The following CAPN8 variants were observed in gnomAD, a reference collection of about 807,000 sequenced individuals.
The protein encoded by CAPN8 is calpain 8, also known as calpain-8.
Under a neutral mutation model 80.9 loss-of-function variants are expected in CAPN8, and 87 were observed. That is an observed-to-expected ratio of 1.07 (90% CI 0.90 to 1.28). The LOEUF is 1.28. Ranked by LOEUF, CAPN8 falls within the 50% of genes most tolerant of loss-of-function variation. CAPN8 has a pLI of 0.00. For synonymous variants in CAPN8, 299 were observed against 273.8 expected, an observed-to-expected ratio of 1.09 and a Z score of -0.91; for missense variants, 757 against 702.0, an observed-to-expected ratio of 1.08 and a Z score of -0.89.
chr1:223,550,402 C>T (rs562168081), intron 15 of CAPN8, among the ~76,000 whole-genome samples: 1 of 152,266 alleles, frequency 6.6e-6, no homozygotes, highest in South Asian at 2.1e-4. Context: ...TCCCTGGACC[C>T]GGAAAGAAAC....
At chr1:223,644,296 G>A (rs775800131) in intron 2 of CAPN8, 11 of 237,980 alleles carry the variant, frequency 4.6e-5, no homozygotes, top group Admixed American at 8.5e-5. Flanking sequence ...ACCTGAATCT[G>A]GGATCTATTT....
At chr1:223,623,506 C>T (rs1011189211) in intron 6 of CAPN8, among the ~76,000 whole-genome samples, 16 of 152,174 alleles carry the variant, frequency 1.1e-4, no homozygotes, top group Non-Finnish European at 2.4e-4. Context: ...ACATATACTG[C>T]TTTCCCCTAT....
chr1:223,545,063 T>C lies in CAPN8; in HGVS notation c.1833+168A>G, dbSNP rs545627594. The C allele has an allele frequency of 4.0e-5, 55 of 1,392,164 alleles. No individual in the cohort carries two copies. The African/African-American group carries it at 6.5e-4, about 16-fold the overall frequency. 86.2% of individuals were successfully genotyped at this position (1,392,164 alleles called of 1,614,324 possible). On this transcript the variant is annotated intron_variant, in intron 17 of 20. Transcript: ENST00000366872. ...AACAGCAGGGCTTTCAGGGCAGTGG[T>C]TGGCATGAGAGTCTCTCATTGCCTT...
In CAPN8 at chr1:223,622,756, T is replaced by C. The variant is rs1419746247; in HGVS notation, c.899+59A>G. 4.5e-6 allele frequency: 6 copies of C among 1,338,776 alleles called. No homozygotes were observed. The African/African-American group carries it at 7.3e-5, about 16-fold the overall frequency. The allele number at this position is 1,338,776 out of a possible 1,614,324, so 82.9% of individuals were successfully genotyped here. ...ACATCGATCTCATTGTTGTGTGTTT[T>C]ACACGACACCCTTCCGCAGAGGGAG... On this transcript the variant is annotated intron_variant, in intron 7 of 20. Transcript: ENST00000366872.
intron 20 of CAPN8, among the ~76,000 whole-genome samples, chr1:223,542,116 A>C (rs1349279270): frequency 1.3e-5 from 2 of 151,116 alleles, no homozygotes; most frequent in Non-Finnish European, 3.0e-5. Flanking sequence ...GTATATTCAT[A>C]CACACACACA....
At chr1:223,654,842 A>ATT (rs35365292) in intron 1 of CAPN8, among the ~76,000 whole-genome samples, 8,058 of 111,610 alleles carry the variant, frequency 0.072, 325 homozygotes, top group Non-Finnish European at 0.079. Context: ...CACCCGGCTA[A>ATT]TTTTTTTTTT....
At chr1:223,625,975 G>A (rs1036044410) in intron 5 of CAPN8, 87 bp from the exon 6 acceptor site, 3 of 1,007,316 alleles carry the variant, frequency 3.0e-6, no homozygotes, top group African/African-American at 3.2e-5. Flanking sequence ...ACACTACACA[G>A]CCACTGGGGG....
intron 1 of CAPN8, among the ~76,000 whole-genome samples, chr1:223,659,877 C>T (rs1041650510): frequency 2.0e-5 from 3 of 152,160 alleles, no homozygotes; most frequent in Non-Finnish European, 2.9e-5. Flanking sequence ...ACCTGATCTA[C>T]CTGACGCACG....
At chr1:223,635,325 T>C (rs1443657576) in intron 2 of CAPN8, among the ~76,000 whole-genome samples, 1 of 152,136 alleles carries the variant, frequency 6.6e-6, no homozygotes, top group African/African-American at 2.4e-5. Flanking sequence ...TTGACTACCT[T>C]AAAACACACA....
intron 9 of CAPN8, among the ~76,000 whole-genome samples, chr1:223,616,363 T>C: frequency 6.6e-6 from 1 of 152,208 alleles, no homozygotes; most frequent in Non-Finnish European, 1.5e-5. Flanking sequence ...GGCATCGCAT[T>C]TGGAAATGTG....
chr1:223,548,844 T>C (rs1656703547), intron 16 of CAPN8, among the ~76,000 whole-genome samples: 1 of 150,382 alleles, frequency 6.6e-6, no homozygotes, highest in Non-Finnish European at 1.5e-5. Flanking sequence ...GTGATAACTC[T>C]AAACTATCAG....
At chr1:223,549,632 A>G in intron 15 of CAPN8, 1 of 639,250 alleles carries the variant, frequency 1.6e-6, no homozygotes. Flanking sequence ...GGCTCCCCAC[A>G]AGCCACAGAC....
At chr1:223,628,262 AGCAGGACATGTGTCT>A (rs1657659902) in intron 3 of CAPN8, 120 bp from the exon 4 acceptor site, 1 of 1,177,532 alleles carries the variant, frequency 8.5e-7, no homozygotes, top group East Asian at 2.6e-5. Flanking sequence ...GCTCCTTAGG[AGCAGGACATGTGTCT>A]GCCTTATCTG....
intron 10 of CAPN8, among the ~76,000 whole-genome samples, chr1:223,612,550 G>A (rs1387964730): frequency 6.6e-6 from 1 of 151,994 alleles, no homozygotes; most frequent in Non-Finnish European, 1.5e-5. Context: ...AATTATTCAG[G>A]AGTAATAGCC....
chr1:223,654,341 T>C lies in CAPN8; in HGVS notation c.296A>G (p.Gln99Arg). The C allele has an allele frequency of 6.4e-7, 1 of 1,551,672 alleles. No individual in the cohort carries two copies. The highest frequency in any genetic ancestry group is 2.4e-5 in the East Asian group (1 of 40,920). The part of the protein sequence containing the change: ...VGGATRTDIC[Q>R]GGLGDCWLLA... ...CCCCAGTTACTCACCTAGACCACCCTGACAAATGTCTGTGCGCGTGGCTCC... is the reference window on the plus strand; with the variant it reads ...CCCCAGTTACTCACCTAGACCACCCCGACAAATGTCTGTGCGCGTGGCTCC... Residue 99 changes from glutamine to arginine, a missense_variant, in exon 2 of 21, where the codon CAG (glutamine) becomes CGG (arginine). Gln to Arg is a conservative substitution (Grantham distance 43). Coordinates refer to ENST00000366872, the MANE Select transcript of CAPN8 (RefSeq NM_001143962.2).
Position 223,634,680 on chromosome 1 carries a change from A to G in CAPN8, c.308-5900T>C, listed in dbSNP as rs557705836. 1.2e-3 allele frequency among the ~76,000 whole-genome samples: 186 copies of G among 152,324 alleles called. 1 individual carries two copies. The highest frequency in any genetic ancestry group is 2.2e-3 in the Admixed American group (33 of 15,308). ...CCTTGTTCATAAATGGCTGTCTTCCAGTTGTGTCCTCAAACGGCAGAAGGG... is the reference window on the plus strand; with the variant it reads ...CCTTGTTCATAAATGGCTGTCTTCCGGTTGTGTCCTCAAACGGCAGAAGGG... On this transcript the variant is annotated intron_variant, in intron 2 of 20. Transcript: ENST00000366872.
intron 2 of CAPN8, among the ~76,000 whole-genome samples, chr1:223,651,984 G>A (rs910345128): frequency 1.2e-4 from 19 of 152,222 alleles, no homozygotes; most frequent in African/African-American, 3.6e-4. Flanking sequence ...AGTCAGTGGC[G>A]TCAACTGGAG....
chr1:223,615,795 TA>T, intron 10 of CAPN8, 174 bp downstream of exon 10: 1 of 747,940 alleles, frequency 1.3e-6, no homozygotes, highest in Non-Finnish European at 2.3e-6. Context: ...AATGAATCTC[TA>T]AATGTGGAAT....
At chr1:223,663,668 C>T (rs1219106692) in intron 1 of CAPN8, among the ~76,000 whole-genome samples, 1 of 152,180 alleles carries the variant, frequency 6.6e-6, no homozygotes, top group Non-Finnish European at 1.5e-5. Flanking sequence ...GAATAAAAAC[C>T]ATTACTCCCA....
Sources: gnomAD v4.1 joint callset for allele counts (sites outside exome capture counted in the v4.1 genomes callset) on GRCh38, gnomAD v4.1.1 for gene constraint, MANE v1.5 for transcripts, NCBI Gene and HGNC (gene_info 2026-07-23, HGNC 2026-07-21) for gene names.